PHF14: variants seen among roughly 807,000 people sequenced by gnomAD.
PHF14 encodes the protein PHD finger protein 14.
PHF14 carries 55 observed loss-of-function variants against 117.9 expected under a neutral mutation model. The ratio of observed to expected loss-of-function variants is 0.47; its 90% confidence interval spans 0.38 to 0.58. PHF14 has a LOEUF of 0.58. PHF14 is among the 20% of genes least tolerant of loss of function. The pLI is 0.00. For synonymous variants in PHF14, 409 were observed against 368.6 expected, an observed-to-expected ratio of 1.11 and a Z score of -1.26; for missense variants, 978 against 1,122.2, an observed-to-expected ratio of 0.87 and a Z score of 1.84.
At chr7:11,066,207 C>T (rs1407609808) in intron 16 of PHF14, among the ~76,000 whole-genome samples, 11 of 152,172 alleles carry the variant, frequency 7.2e-5, no homozygotes, top group Admixed American at 7.2e-4. Flanking sequence ...ATTAGGAAAA[C>T]CAGCAAGAAT....
chr7:11,047,558 G>C (rs1784710998), intron 13 of PHF14, among the ~76,000 whole-genome samples: 2 of 150,968 alleles, frequency 1.3e-5, no homozygotes, highest in African/African-American at 4.9e-5. Flanking sequence ...CACTTTGGGA[G>C]GCTGAGGCGG....
Position 11,061,821 on chromosome 7 carries a change from C to A in PHF14, c.2512C>A (p.Pro838Thr). Residue 838 changes from proline to threonine, a missense_variant, in exon 15 of 18, where the codon CCT becomes ACT. Physicochemically the swap from Pro to Thr is conservative, Grantham distance 38. This residue lies in a region of PHF14 where 180 missense variants were observed against 195.4 expected (regional missense o/e 0.92). Transcript: ENST00000634607. ...CAGAGGACGAAAACGAAGCTTCGTT[C>A]CTGAGGAAGAAAAACATGAGGTTGG... ...RTRGRKRSFV[P>T]EEEKHEERVP... 1.3e-6 allele frequency: 2 copies of A among 1,505,056 alleles called. No individual in the cohort carries two copies. Among genetic ancestry groups the A allele is most frequent in the African/African-American group, 1.4e-5 (1 of 70,238 alleles). 93.2% of individuals were successfully genotyped at this position (1,505,056 alleles called of 1,614,324 possible).
rs567219632 is a variant in PHF14, at chr7:11,154,817, A to G, written c.2773-14599A>G. Among the ~76,000 whole-genome samples, 4 of 152,270 alleles carry G rather than the reference A, an allele frequency of 2.6e-5. No homozygotes were observed. In the South Asian group the frequency reaches 8.3e-4, roughly 32 times the overall value. ...TTAGGAACAAATGTCTTTAAATGTAATCATTCACCCACTTTATTTATTTAT... is the reference window on the plus strand; with the variant it reads ...TTAGGAACAAATGTCTTTAAATGTAGTCATTCACCCACTTTATTTATTTAT... On this transcript the variant is annotated intron_variant, in intron 17 of 17. Transcript: ENST00000634607.
intron 17 of PHF14, among the ~76,000 whole-genome samples, chr7:11,146,501 T>C (rs961664135): frequency 3.3e-5 from 5 of 152,158 alleles, no homozygotes; most frequent in Admixed American, 6.6e-5. Context: ...GTTGGAAATA[T>C]TTTAAGAAAT....
chr7:11,058,201 T>G (rs946229853), intron 14 of PHF14, among the ~76,000 whole-genome samples: 2 of 152,218 alleles, frequency 1.3e-5, no homozygotes, highest in South Asian at 4.1e-4. Flanking sequence ...TGGGACAAGC[T>G]CTTTGGTAAC....
chr7:11,001,357 A>G (rs1409736839), intron 4 of PHF14, among the ~76,000 whole-genome samples: 1 of 151,824 alleles, frequency 6.6e-6, no homozygotes, highest in Non-Finnish European at 1.5e-5. Flanking sequence ...TTTTTCCTTC[A>G]ATATTATGTT....
At chr7:11,158,236 A>G (rs950837611) in intron 17 of PHF14, among the ~76,000 whole-genome samples, 2 of 152,044 alleles carry the variant, frequency 1.3e-5, no homozygotes, top group South Asian at 2.1e-4. Flanking sequence ...GTCTGTGGCA[A>G]TTCTTTACTT....
intron 14 of PHF14, chr7:11,061,316 A>G (rs988820792): frequency 1.3e-5 from 2 of 152,136 alleles, no homozygotes; most frequent in African/African-American, 4.8e-5. Flanking sequence ...TTTTCCTTCT[A>G]CTTTTTTTTG....
At chr7:11,145,048 T>A in intron 17 of PHF14, among the ~76,000 whole-genome samples, 1 of 151,952 alleles carries the variant, frequency 6.6e-6, no homozygotes, top group Non-Finnish European at 1.5e-5. Context: ...CACAACAATA[T>A]AAATATTTAA....
chr7:11,124,962 G>A (rs981819240), intron 17 of PHF14, among the ~76,000 whole-genome samples: 4 of 152,080 alleles, frequency 2.6e-5, no homozygotes, highest in African/African-American at 4.8e-5. Flanking sequence ...AAACAAATAA[G>A]TTGATTAAAG....
intron 16 of PHF14, among the ~76,000 whole-genome samples, chr7:11,076,381 A>G (rs899888707): frequency 2.0e-5 from 3 of 152,136 alleles, no homozygotes; most frequent in Non-Finnish European, 4.4e-5. Flanking sequence ...CTTCAGTGCT[A>G]TAACCTCTAT....
At chr7:11,132,663 C>T (rs928996782) in intron 17 of PHF14, among the ~76,000 whole-genome samples, 1 of 151,540 alleles carries the variant, frequency 6.6e-6, no homozygotes, top group African/African-American at 2.4e-5. Flanking sequence ...ATTTAGAAAC[C>T]TTTATAGTGT....
At chr7:11,047,114 G>C (rs182689708) in intron 13 of PHF14, among the ~76,000 whole-genome samples, 3 of 151,220 alleles carry the variant, frequency 2.0e-5, no homozygotes, top group African/African-American at 7.3e-5. Context: ...TGTCACCCAG[G>C]CTGGGGTGCA....
chr7:11,063,086 CAAAG>C lies in PHF14; in HGVS notation c.2654+1006_2654+1009del, dbSNP rs1785289724. On this transcript the variant is annotated intron_variant, in intron 16 of 17. Transcript: ENST00000634607. ...GTCATTAAAATATGTCTTAATTTCT[CAAAG>C]AAAGGCATGAAGTCTTAAATTTTAT... 5.5e-6 allele frequency: 5 copies of C among 902,182 alleles called. No homozygotes were observed. In the South Asian group the frequency reaches 1.5e-4, roughly 28 times the overall value. 55.9% of individuals were successfully genotyped at this position (902,182 alleles called of 1,614,324 possible).
rs771433215 is a variant in PHF14, at chr7:11,062,083, C to A, written c.2652C>A (p.Val884=). ...CKGTGDNENL[V]RCDECRLCYH... The stretch of plus-strand genomic sequence containing the variant: ...GAACTGGAGACAATGAAAATCTTGT[C>A]AGGTAAGTTGGATGCTAAAACCTTG... The change falls in exon 16 of 18, where the codon GTC becomes GTA. Residue 884 remains valine, a splice_region_variant and synonymous_variant. Coordinates refer to ENST00000634607, the MANE Select transcript of PHF14 (RefSeq NM_001007157.2). 6.9e-6 allele frequency: 11 copies of A among 1,605,192 alleles called. No homozygotes were observed. Among genetic ancestry groups the A allele is most frequent in the Admixed American group, 6.8e-5 (4 of 59,100 alleles).
chr7:11,059,670 A>G (rs2128328927), intron 14 of PHF14, among the ~76,000 whole-genome samples: 1 of 152,186 alleles, frequency 6.6e-6, no homozygotes, highest in Admixed American at 6.5e-5. Flanking sequence ...GCTACTTGCA[A>G]GGCTGAGGTG....
At chr7:11,055,025 C>G (rs929835751) in intron 14 of PHF14, among the ~76,000 whole-genome samples, 63 of 152,082 alleles carry the variant, frequency 4.1e-4, no homozygotes, top group African/African-American at 1.4e-3. Flanking sequence ...ACAGCAACTG[C>G]CCTGTTTACC....
At chr7:11,039,497 C>T (rs548071862) in intron 11 of PHF14, among the ~76,000 whole-genome samples, 65 of 152,056 alleles carry the variant, frequency 4.3e-4, no homozygotes, top group African/African-American at 1.5e-3. Flanking sequence ...TTTTTTAGTA[C>T]TGTGTATATA....
chr7:11,030,951 T>G lies in PHF14; in HGVS notation c.1455+2133T>G, dbSNP rs182517534. On this transcript the variant is annotated intron_variant, in intron 7 of 17. Coordinates refer to ENST00000634607, the MANE Select transcript of PHF14 (RefSeq NM_001007157.2). ...GAATCAATATTAATGAAGTTTGCAT[T>G]TGACAGTAATCATTCTGTCTTGTCT... 7.9e-5 allele frequency among the ~76,000 whole-genome samples: 12 copies of G among 152,334 alleles called. No homozygotes were observed. In the East Asian group the frequency reaches 2.3e-3, roughly 29 times the overall value.
Sources: gnomAD v4.1 joint callset for allele counts (sites outside exome capture counted in the v4.1 genomes callset) on GRCh38, gnomAD v4.1.1 for gene constraint, gnomAD v4.1.1 regional missense constraint, MANE v1.5 for transcripts, NCBI Gene and HGNC (gene_info 2026-07-23, HGNC 2026-07-21) for gene names.